Variants in PARN observed in about 807,000 individuals in gnomAD.
PARN encodes the protein poly(A)-specific ribonuclease.
A neutral mutation model predicts 102.8 loss-of-function variants in PARN; 71 were observed. That is an observed-to-expected ratio of 0.69 (90% confidence interval 0.57 to 0.84). The LOEUF (loss-of-function observed/expected upper bound fraction) is 0.84, where lower values mean the gene tolerates loss of function less well. Ranked by LOEUF, PARN falls within the 40% of genes least tolerant of loss-of-function variation. PARN has a pLI of 0.00. For synonymous variants in PARN, 261 were observed against 252.9 expected (o/e 1.03, Z -0.30); for missense variants, 782 against 760.9 (o/e 1.03, Z -0.33).
intron 18 of PARN, chr16:14,564,931 C>G (rs1326538386): frequency 1.3e-5 from 2 of 152,168 alleles, no homozygotes; most frequent in Non-Finnish European, 2.9e-5. Context: ...TGAATACAAT[C>G]TCATCTCAAC....
At chr16:14,584,079 A>G (rs1969694359) in intron 16 of PARN, among the ~76,000 whole-genome samples, 1 of 152,248 alleles carries the variant, frequency 6.6e-6, no homozygotes, top group Non-Finnish European at 1.5e-5. Context: ...GGAGAATTCC[A>G]TATTATTAGA....
At chr16:14,601,058 A>G (rs2151782013) in intron 11 of PARN, among the ~76,000 whole-genome samples, 1 of 152,358 alleles carries the variant, frequency 6.6e-6, no homozygotes, top group African/African-American at 2.4e-5. Context: ...TAAGGAAAAC[A>G]GTATGGAGGC....
At chr16:14,501,377 G>A (rs566592103) in intron 21 of PARN, among the ~76,000 whole-genome samples, 2 of 132,862 alleles carry the variant, frequency 1.5e-5, no homozygotes, top group African/African-American at 2.8e-5. Context: ...GGACGCTGAG[G>A]TGGGAGGATC....
chr16:14,485,073 G>A (rs1238263359), intron 21 of PARN, among the ~76,000 whole-genome samples: 1 of 152,192 alleles, frequency 6.6e-6, no homozygotes, highest in African/African-American at 2.4e-5. Flanking sequence ...AAGTGCTAGA[G>A]AATGTTCATA....
rs549703758 is a variant in PARN at position 14,575,212 on chromosome 16, A to G, written c.1262+5662T>C. 9.8e-5 allele frequency among the ~76,000 whole-genome samples: 15 copies of G among 152,302 alleles called. No homozygotes were observed. In the East Asian group the frequency reaches 2.9e-3, roughly 29 times the overall value. On this transcript the variant is annotated intron_variant, in intron 18 of 23. Coordinates refer to ENST00000437198, the MANE Select transcript of PARN (RefSeq NM_002582.4). Reference sequence around the variant, plus strand: ...CACACAGAGTCCCTACTGGGGCACCACCTAGTGGAGCTGTGAGAAGAGGGC... The same window carrying G: ...CACACAGAGTCCCTACTGGGGCACCGCCTAGTGGAGCTGTGAGAAGAGGGC...
At chr16:14,497,085 G>A (rs1171515690) in intron 21 of PARN, among the ~76,000 whole-genome samples, 1 of 152,088 alleles carries the variant, frequency 6.6e-6, no homozygotes, top group African/African-American at 2.4e-5. Context: ...GTTTTAAATT[G>A]CAACAGTATC....
chr16:14,515,931 A>G lies in PARN; in HGVS notation c.1481-33104T>C, dbSNP rs150472151. Among the ~76,000 whole-genome samples the G allele has an allele frequency of 4.7e-3, 720 of 152,298 alleles. 9 individuals carry two copies. The highest frequency in any genetic ancestry group is 0.016 in the African/African-American group (680 of 41,554). ...CTCCAGCCTAGGTTAACAGATAGATACTCGACTAAAAATAAATAAGTAAAT... is the reference window on the plus strand; with the variant it reads ...CTCCAGCCTAGGTTAACAGATAGATGCTCGACTAAAAATAAATAAGTAAAT... On this transcript the variant is annotated intron_variant, in intron 21 of 23. Transcript: ENST00000437198.
rs143756649 is a variant in PARN, at chr16:14,629,209, C to T, written c.97+388G>A. On this transcript the variant is annotated intron_variant, in intron 2 of 23. Transcript: ENST00000437198. ...CTAGAGATGGATGGTGATGTTTGCA[C>T]AGCAATGTGAATGTACTTAATGCCA... Among the ~76,000 whole-genome samples, 110 of 152,278 alleles carry T rather than the reference C, an allele frequency of 7.2e-4. 1 individual carries two copies. Among genetic ancestry groups the T allele is most frequent in the Non-Finnish European group, 1.3e-3 (88 of 68,036 alleles).
intron 12 of PARN, 25 bp downstream of exon 12, chr16:14,599,879 T>C (rs371460649): frequency 1.6e-5 from 24 of 1,492,124 alleles, no homozygotes; most frequent in Admixed American, 8.9e-5. Flanking sequence ...TTCTGCAATC[T>C]TGCTAAAAAG....
intron 18 of PARN, among the ~76,000 whole-genome samples, chr16:14,561,383 C>G (rs373543901): frequency 6.6e-6 from 1 of 152,176 alleles, no homozygotes; most frequent in African/African-American, 2.4e-5. Flanking sequence ...CTCAGAAACT[C>G]TGGACTGAGA....
intron 22 of PARN, among the ~76,000 whole-genome samples, chr16:14,465,494 G>C (rs1962282973): frequency 6.6e-6 from 1 of 152,102 alleles, no homozygotes; most frequent in Non-Finnish European, 1.5e-5. Flanking sequence ...ATAGCACAAA[G>C]GTTGGGAGCT....
At chr16:14,614,816 C>G (rs1398064857) in intron 6 of PARN, among the ~76,000 whole-genome samples, 1 of 127,342 alleles carries the variant, frequency 7.9e-6, no homozygotes, top group Non-Finnish European at 1.6e-5. Context: ...CCATTGCACT[C>G]CAGCATGGGA....
chr16:14,595,697 A>G (rs1426023073), intron 12 of PARN, among the ~76,000 whole-genome samples: 1 of 151,866 alleles, frequency 6.6e-6, no homozygotes, highest in Non-Finnish European at 1.5e-5. Context: ...ACACCAGCTA[A>G]TTTTTGGATT....
chr16:14,596,321 G>T (rs1440166206), intron 12 of PARN, among the ~76,000 whole-genome samples: 1 of 151,670 alleles, frequency 6.6e-6, no homozygotes. Context: ...GCCAAAGGTG[G>T]TACAATTTAA....
intron 18 of PARN, among the ~76,000 whole-genome samples, chr16:14,569,968 A>G (rs569284590): frequency 2.6e-5 from 4 of 152,394 alleles, no homozygotes; most frequent in African/African-American, 9.6e-5. Flanking sequence ...GTAATATGCC[A>G]AAAACCACTG....
At chr16:14,454,778 C>G (rs550242347) in intron 22 of PARN, among the ~76,000 whole-genome samples, 3 of 152,174 alleles carry the variant, frequency 2.0e-5, no homozygotes, top group Non-Finnish European at 4.4e-5. Flanking sequence ...ATTCCCAAAT[C>G]ATAAAATATT....
chr16:14,502,582 A>C (rs1037579337), intron 21 of PARN, among the ~76,000 whole-genome samples: 1 of 152,200 alleles, frequency 6.6e-6, no homozygotes, highest in African/African-American at 2.4e-5. Flanking sequence ...GTGAAGTGAC[A>C]AGCAAAACCA....
chr16:14,611,467 G>C (rs1567449191), intron 6 of PARN, among the ~76,000 whole-genome samples: 4 of 152,182 alleles, frequency 2.6e-5, no homozygotes, highest in Admixed American at 2.6e-4. Flanking sequence ...CTCTGAGAGT[G>C]AAGTTAGGAA....
At position 14,552,091 on chromosome 16, in the gene PARN, G is replaced by A; in HGVS notation, c.1410C>T (p.Asn470=). 1.2e-6 allele frequency: 2 copies of A among 1,601,946 alleles called. No homozygotes were observed. Among genetic ancestry groups the A allele is most frequent in the Non-Finnish European group, 1.7e-6 (2 of 1,170,544 alleles). Reference sequence around the variant, plus strand: ...TGTCATCAATCCAGGATATCTGAATGTTACCTGCAATCGCAAATTAAAAGT... The same window carrying A: ...TGTCATCAATCCAGGATATCTGAATATTACCTGCAATCGCAAATTAAAAGT... The part of the protein sequence containing the change: ...DLYQLFSAFG[N]IQISWIDDTS... The change falls in exon 21 of 24, where the codon AAC becomes AAT. Residue 470 remains asparagine, a synonymous_variant. Transcript: ENST00000437198.
Sources: allele counts gnomAD v4.1 joint callset (sites outside exome capture counted in the v4.1 genomes callset), GRCh38; gene constraint gnomAD v4.1.1; transcripts MANE v1.5; gene names NCBI Gene and HGNC (gene_info 2026-07-23, HGNC 2026-07-21).